Variants in ATIC observed in about 807,000 individuals in gnomAD.
ATIC encodes the protein bifunctional purine biosynthesis protein ATIC.
In ATIC, 64 loss-of-function variants were observed where a neutral mutation model predicts 72.5. The observed-to-expected ratio is 0.88, with a 90% confidence interval of 0.72 to 1.09. The LOEUF (loss-of-function observed/expected upper bound fraction) is 1.09, where lower values mean the gene tolerates loss of function less well. ATIC is among the 50% of genes least tolerant of loss of function. The pLI is 0.00. For synonymous variants in ATIC, 281 were observed against 267.1 expected (o/e 1.05, Z -0.51); for missense variants, 787 against 732.4 (o/e 1.07, Z -0.86).
chr2:215,364,957 C>A, the ATIC span: 1 of 1,580,776 alleles, frequency 6.3e-7, no homozygotes, highest in Admixed American at 1.8e-5. Context: ...CGTGGTATGT[C>A]TTCCCATCAT....
Position 215,334,952 on chromosome 2 carries a change from T to G in ATIC, c.956T>G (p.Val319Gly). Residue 319 changes from valine (V) to glycine (G), a missense_variant, in exon 10 of 16, where the codon GTT (valine) becomes GGT (glycine). Transcript: ENST00000236959. ...ADRMSSFGDF[V>G]ALSDVCDVPT... ...AGGATGTCTTCATTTGGTGATTTTG[T>G]TGCATTGTCCGATGTTTGTGATGTA... The G allele has an allele frequency of 6.2e-7, 1 of 1,613,706 alleles. No homozygotes were observed. Among genetic ancestry groups the G allele is most frequent in the Non-Finnish European group, 8.5e-7 (1 of 1,179,764 alleles).
intron 8 of ATIC, among the ~76,000 whole-genome samples, 153 bp from the exon 9 acceptor site, chr2:215,333,197 A>G (rs2052914850): frequency 1.3e-5 from 2 of 152,178 alleles, no homozygotes; most frequent in African/African-American, 4.8e-5. Flanking sequence ...TTTAGTGTAT[A>G]ATTATCTGGC....
intron 12 of ATIC, among the ~76,000 whole-genome samples, chr2:215,342,983 CTT>C (rs2053035637): frequency 6.6e-6 from 1 of 152,148 alleles, no homozygotes; most frequent in South Asian, 2.1e-4. Context: ...TTTTATTTCT[CTT>C]TGATAAATGC....
Position 215,346,852 on chromosome 2 carries a change from C to CA in ATIC, c.1416dup (p.Val473SerfsTer7). 6.2e-7 allele frequency: 1 copy of CA among 1,614,190 alleles called. No homozygotes were observed. ...CTATTGGTGGCTTAGACACCATCCA[C>CA]AAGTGCTTTCGATGAAGTTTAAAAC... On this transcript the variant is annotated frameshift_variant, in exon 14 of 16. Coordinates refer to ENST00000236959, the MANE Select transcript of ATIC (RefSeq NM_004044.7). LOFTEE classifies it high-confidence loss of function.
At chr2:215,339,576 A>G (rs1054262333) in intron 12 of ATIC, among the ~76,000 whole-genome samples, 8 of 152,300 alleles carry the variant, frequency 5.3e-5, no homozygotes, top group Middle Eastern at 3.4e-3. Context: ...GTCCATGTGT[A>G]GATGTACTAC....
intron 6 of ATIC, among the ~76,000 whole-genome samples, chr2:215,326,345 C>T (rs1233468541): frequency 1.3e-5 from 2 of 152,120 alleles, no homozygotes; most frequent in African/African-American, 2.4e-5. Flanking sequence ...TGGCTCACGC[C>T]TGTAATCCTA....
At chr2:215,328,423 C>G (rs916078732) in intron 7 of ATIC, among the ~76,000 whole-genome samples, 1 of 152,128 alleles carries the variant, frequency 6.6e-6, no homozygotes, top group South Asian at 2.1e-4. Flanking sequence ...TATCTGCCCC[C>G]TCAGCAGCTC....
At position 215,312,099 on chromosome 2, in the gene ATIC, G is replaced by A. The variant is rs1169058506; in HGVS notation, c.-44G>A. 5 of 1,529,940 alleles carry A rather than the reference G, an allele frequency of 3.3e-6. No individual in the cohort carries two copies. Among genetic ancestry groups the A allele is most frequent in the Non-Finnish European group, 4.4e-6 (5 of 1,144,688 alleles). The allele number at this position is 1,529,940 out of a possible 1,614,324, so 94.8% of individuals were successfully genotyped here. ...CCCTCCTACCTGCGCACGTGGTGCC[G>A]CCGCTGCTGCCTCCCGCTCGCCCTG... On this transcript the variant is annotated 5_prime_UTR_variant, in exon 1 of 16. Transcript: ENST00000236959.
chr2:215,351,719 CTACTG>C (rs2053132288), downstream of ATIC, among the ~76,000 whole-genome samples: 1 of 152,200 alleles, frequency 6.6e-6, no homozygotes, highest in Non-Finnish European at 1.5e-5. Flanking sequence ...CATCAATACT[CTACTG>C]AGGGGTATAA....
chr2:215,345,323 G>A (rs2053060461), intron 13 of ATIC: 2 of 224,422 alleles, frequency 8.9e-6, no homozygotes, highest in South Asian at 1.3e-4. Context: ...GCTAGACTAG[G>A]AGTTAACTTC....
intron 4 of ATIC, among the ~76,000 whole-genome samples, chr2:215,322,643 C>T (rs2106001783): frequency 6.6e-6 from 1 of 152,148 alleles, no homozygotes; most frequent in Admixed American, 6.5e-5. Context: ...GTGTACATTT[C>T]TTTTAAGAGT....
chr2:215,314,806 G>A (rs1011374410), intron 2 of ATIC, among the ~76,000 whole-genome samples: 6 of 152,084 alleles, frequency 3.9e-5, no homozygotes, highest in Non-Finnish European at 8.8e-5. Flanking sequence ...GATTTTGTAG[G>A]GGTGGAAAGG....
intron 4 of ATIC, among the ~76,000 whole-genome samples, chr2:215,320,613 T>G (rs1439302238): frequency 6.6e-6 from 1 of 152,218 alleles, no homozygotes; most frequent in African/African-American, 2.4e-5. Context: ...AGGGTCTCGC[T>G]CTGTTGCTCA....
downstream of ATIC, among the ~76,000 whole-genome samples, chr2:215,352,957 C>T (rs192150372): frequency 8.5e-5 from 13 of 152,212 alleles, no homozygotes; most frequent in East Asian, 9.7e-4. Context: ...CATTGATAGC[C>T]GTAGTTATGT....
chr2:215,361,214 G>T, the ATIC span: 1 of 285,206 alleles, frequency 3.5e-6, no homozygotes, highest in Non-Finnish European at 6.8e-6. Flanking sequence ...TTAAAATTTT[G>T]GTCATATCAT....
chr2:215,327,801 G>A (rs920671186), intron 7 of ATIC, among the ~76,000 whole-genome samples: 1 of 152,144 alleles, frequency 6.6e-6, no homozygotes, highest in Non-Finnish European at 1.5e-5. Flanking sequence ...CTGAGAGAGC[G>A]ATGGGGGAGG....
At chr2:215,330,712 CTTT>C (rs111990936) in intron 7 of ATIC, among the ~76,000 whole-genome samples, 1 of 140,864 alleles carries the variant, frequency 7.1e-6, no homozygotes, top group Non-Finnish European at 1.6e-5. Context: ...TTTCTCTTTT[CTTT>C]TTTTTTTTTT....
the ATIC span, chr2:215,365,104 T>C: frequency 4.1e-6 from 3 of 736,364 alleles, no homozygotes; most frequent in South Asian, 4.4e-5. Flanking sequence ...ACACCACATA[T>C]TTATGTGAAT....
At chr2:215,326,380 G>A (rs1349971952) in intron 6 of ATIC, among the ~76,000 whole-genome samples, 2 of 152,092 alleles carry the variant, frequency 1.3e-5, no homozygotes, top group Admixed American at 1.3e-4. Context: ...CGAGGCGGGC[G>A]GATCACCTGA....
Sources: allele counts gnomAD v4.1 joint callset (sites outside exome capture counted in the v4.1 genomes callset), GRCh38; gene constraint gnomAD v4.1.1; transcripts MANE v1.5; gene names NCBI Gene and HGNC (gene_info 2026-07-23, HGNC 2026-07-21).